Variants in MLLT10 observed in about 807,000 individuals in gnomAD.
MLLT10 encodes MLLT10 histone lysine methyltransferase DOT1L cofactor.
MLLT10 carries 30 observed loss-of-function variants against 129.1 expected under a neutral mutation model. That is an observed-to-expected ratio of 0.23 (90% CI 0.17 to 0.32). The LOEUF is 0.32. Among genes scored for constraint, MLLT10 ranks in the 10% least tolerant of loss-of-function variants. MLLT10 has a pLI of 1.00. For missense variants in MLLT10, 1,119 were observed against 1,268.3 expected (o/e 0.88, Z 1.79); for synonymous variants, 490 against 446.4 (o/e 1.10, Z -1.23).
At chr10:21,672,605 T>C (rs921870148) in intron 10 of MLLT10, among the ~76,000 whole-genome samples, 8 of 152,118 alleles carry the variant, frequency 5.3e-5, no homozygotes, top group African/African-American at 1.9e-4. Context: ...GCACCCAGCC[T>C]AAGTTTCTTA....
intron 3 of MLLT10, 54 bp downstream of exon 3, chr10:21,538,966 G>A (rs1460749235): frequency 8.0e-7 from 1 of 1,253,674 alleles, no homozygotes; most frequent in African/African-American, 1.5e-5. Context: ...TAGGAAATTA[G>A]GAACTGCACT....
At chr10:21,693,186 C>T (rs2054040230) in intron 13 of MLLT10, among the ~76,000 whole-genome samples, 1 of 152,110 alleles carries the variant, frequency 6.6e-6, no homozygotes, top group Admixed American at 6.5e-5. Context: ...AAAAATCACC[C>T]CATGTAAAAA....
chr10:21,678,010 G>T (rs2052359990), intron 11 of MLLT10, among the ~76,000 whole-genome samples: 1 of 152,248 alleles, frequency 6.6e-6, no homozygotes, highest in Non-Finnish European at 1.5e-5. Flanking sequence ...TGTATGTCAT[G>T]TGGTTAGAAG....
At chr10:21,605,849 G>A (rs1036267741) in intron 5 of MLLT10, among the ~76,000 whole-genome samples, 5 of 152,098 alleles carry the variant, frequency 3.3e-5, no homozygotes, top group African/African-American at 1.2e-4. Context: ...AGATGTATAA[G>A]CATATCTTTT....
chr10:21,664,316 G>GT (rs1376621766), intron 9 of MLLT10, among the ~76,000 whole-genome samples: 1 of 144,088 alleles, frequency 6.9e-6, no homozygotes, highest in Non-Finnish European at 1.5e-5. Context: ...CTTTTTGTTT[G>GT]TTTGTTTTTT....
rs140064167 is a variant in MLLT10, at chr10:21,534,672, C to G, written c.28C>G (p.Leu10Val). The change falls in exon 2 of 23, where the codon CTG (leucine) becomes GTG (valine). Residue 10 changes from leucine to valine, a missense_variant. Leu to Val is a conservative substitution (Grantham distance 32). Transcript: ENST00000307729. The stretch of plus-strand genomic sequence containing the variant: ...GGTCTCTAGCGACCGGCCCGTGTCA[C>G]TGGAGGACGAGGTCTCCCATAGTAT... MVSSDRPVSLEDEVSHSMKE... is the reference protein window; with the variant it reads MVSSDRPVSVEDEVSHSMKE... 3.1e-5 allele frequency: 50 copies of G among 1,612,290 alleles called. No individual in the cohort carries two copies. In the African/African-American group the frequency reaches 5.3e-4, roughly 17 times the overall value.
intron 18 of MLLT10, 56 bp downstream of exon 18, chr10:21,733,143 T>A: frequency 6.6e-7 from 1 of 1,507,648 alleles, no homozygotes. Flanking sequence ...CAGTTTTATT[T>A]GTATTATAAG....
At chr10:21,543,615 A>G (rs1485488593) in intron 3 of MLLT10, among the ~76,000 whole-genome samples, 1 of 151,942 alleles carries the variant, frequency 6.6e-6, no homozygotes, top group Admixed American at 6.6e-5. Context: ...AGTAGCTGGG[A>G]TTACAGGTGT....
rs747172087 is a variant in MLLT10, at chr10:21,713,887, A to G, written c.1815A>G (p.Gln605=). 23 of 1,614,038 alleles carry G rather than the reference A, an allele frequency of 1.4e-5. No individual in the cohort carries two copies. The East Asian group carries it at 4.7e-4, about 33-fold the overall frequency. Reference sequence around the variant, plus strand: ...CTCAGCAGTCTTCTGGGCATTTGCAACAAGTAGGAGCGCTCTCTCCCTCAG... The same window carrying G: ...CTCAGCAGTCTTCTGGGCATTTGCAGCAAGTAGGAGCGCTCTCTCCCTCAG... ...HLPQQSSGHL[Q]QVGALSPSAV... The change falls in exon 14 of 23, where the codon CAA becomes CAG. Residue 605 remains glutamine, a synonymous_variant. Transcript: ENST00000307729.
intron 7 of MLLT10, 87 bp downstream of exon 7, chr10:21,615,011 A>C: frequency 9.1e-7 from 1 of 1,095,020 alleles, no homozygotes. Flanking sequence ...AGCATATAAC[A>C]GTTCCTTTTT....
chr10:21,610,363 T>C (rs1413050824), intron 5 of MLLT10, among the ~76,000 whole-genome samples: 1 of 152,182 alleles, frequency 6.6e-6, no homozygotes, highest in African/African-American at 2.4e-5. Flanking sequence ...GAGGGAGCCC[T>C]CATCTTCTTG....
chr10:21,717,776 TGC>T, intron 14 of MLLT10, among the ~76,000 whole-genome samples: 2 of 123,152 alleles, frequency 1.6e-5, no homozygotes, highest in Non-Finnish European at 3.4e-5. Flanking sequence ...CCGCTGCTGC[TGC>T]TGCTTCTTCT....
chr10:21,726,488 C>A, intron 15 of MLLT10, 133 bp downstream of exon 15: 1 of 533,614 alleles, frequency 1.9e-6, no homozygotes. Flanking sequence ...AAAAAATATT[C>A]ACAGTTGGAA....
chr10:21,631,043 G>A (rs1345730514), intron 8 of MLLT10, among the ~76,000 whole-genome samples: 1 of 152,094 alleles, frequency 6.6e-6, no homozygotes, highest in Non-Finnish European at 1.5e-5. Flanking sequence ...GGGCGCGGTG[G>A]CTCAAGCCTG....
chr10:21,635,747 A>C (rs752101128), intron 8 of MLLT10, among the ~76,000 whole-genome samples: 2 of 145,628 alleles, frequency 1.4e-5, no homozygotes, highest in African/African-American at 5.1e-5. Flanking sequence ...TTTTTTTGAG[A>C]TGTAGTTTCA....
chr10:21,653,780 G>A (rs942400522), intron 9 of MLLT10, among the ~76,000 whole-genome samples: 1 of 152,238 alleles, frequency 6.6e-6, no homozygotes, highest in Admixed American at 6.5e-5. Context: ...TGACTAGCCA[G>A]TTGGATAACT....
At chr10:21,534,918 ACGCGGAGGGTCCGCGGCGGGG>A (rs1387589995) in intron 2 of MLLT10, 114 bp downstream of exon 2, 4 of 700,028 alleles carry the variant, frequency 5.7e-6, no homozygotes, top group Middle Eastern at 6.7e-4. Flanking sequence ...CGCGGGAGGG[ACGCGGAGGGTCCGCGGCGGGG>A]CGCGGGGGGT....
intron 9 of MLLT10, among the ~76,000 whole-genome samples, chr10:21,656,167 G>A (rs1258161718): frequency 6.6e-6 from 1 of 152,036 alleles, no homozygotes; most frequent in Non-Finnish European, 1.5e-5. Context: ...TTCAGTCATA[G>A]GTTCCTTTTT....
intron 13 of MLLT10, among the ~76,000 whole-genome samples, chr10:21,687,947 T>A (rs2053467251): frequency 6.6e-6 from 1 of 152,188 alleles, no homozygotes; most frequent in Non-Finnish European, 1.5e-5. Context: ...TAAGGTAGTA[T>A]AAGACATGTA....
Sources: gnomAD v4.1 joint callset for allele counts (sites outside exome capture counted in the v4.1 genomes callset) on GRCh38, gnomAD v4.1.1 for gene constraint, MANE v1.5 for transcripts, NCBI Gene and HGNC (gene_info 2026-07-23, HGNC 2026-07-21) for gene names.